GRIA1: variants seen among roughly 807,000 people sequenced by gnomAD.
GRIA1 encodes the protein glutamate receptor 1.
Under a neutral mutation model 99.2 loss-of-function variants are expected in GRIA1, and 31 were observed. The observed-to-expected ratio is 0.31, with a 90% CI of 0.23 to 0.42. The LOEUF (loss-of-function observed/expected upper bound fraction) is 0.42, where lower values mean the gene tolerates loss of function less well. Ranked by LOEUF, GRIA1 falls within the 10% of genes least tolerant of loss-of-function variation. The pLI is 1.00. For synonymous variants in GRIA1, 438 were observed against 432.4 expected, an observed-to-expected ratio of 1.01 and a Z score of -0.16; for missense variants, 782 against 1,157.5, an observed-to-expected ratio of 0.68 and a Z score of 4.71.
intron 2 of GRIA1, among the ~76,000 whole-genome samples, chr5:153,510,185 A>C (rs746812343): frequency 1.3e-5 from 2 of 152,210 alleles, no homozygotes; most frequent in Non-Finnish European, 2.9e-5. Flanking sequence ...CGAGAAGACA[A>C]ACTGCTTTAA....
intron 13 of GRIA1, among the ~76,000 whole-genome samples, chr5:153,774,301 G>A (rs1260879989): frequency 6.6e-6 from 1 of 152,046 alleles, no homozygotes; most frequent in African/African-American, 2.4e-5. Context: ...AAAGACATTT[G>A]TGCTTCCTTT....
chr5:153,604,004 T>C (rs1765234951), intron 2 of GRIA1, among the ~76,000 whole-genome samples: 1 of 152,196 alleles, frequency 6.6e-6, no homozygotes, highest in Non-Finnish European at 1.5e-5. Flanking sequence ...ACATTTATGA[T>C]CTAGTTTATA....
intron 13 of GRIA1, among the ~76,000 whole-genome samples, chr5:153,789,112 C>G (rs1362030966): frequency 2.0e-5 from 3 of 152,110 alleles, no homozygotes; most frequent in Non-Finnish European, 4.4e-5. Flanking sequence ...TAAATCACAC[C>G]TGCTTCAATG....
At chr5:153,714,500 C>T (rs1255509876) in intron 11 of GRIA1, among the ~76,000 whole-genome samples, 2 of 152,208 alleles carry the variant, frequency 1.3e-5, no homozygotes, top group East Asian at 3.9e-4. Context: ...CCCTAAATTC[C>T]TGTATCCAGA....
chr5:153,706,135 T>TGTTTGTTTA, intron 11 of GRIA1, 68 bp downstream of exon 11: 1 of 1,464,422 alleles, frequency 6.8e-7, no homozygotes, highest in Non-Finnish European at 9.5e-7. Context: ...TTTGTTTGTT[T>TGTTTGTTTA]TTTAAATACT....
At chr5:153,621,464 G>T (rs1016855503) in intron 2 of GRIA1, among the ~76,000 whole-genome samples, 1 of 143,794 alleles carries the variant, frequency 7.0e-6, no homozygotes, top group African/African-American at 2.5e-5. Context: ...GTTATTAAAA[G>T]AAATTAAAGT....
chr5:153,675,208 A>G (rs1185291377), intron 6 of GRIA1, among the ~76,000 whole-genome samples: 1 of 152,204 alleles, frequency 6.6e-6, no homozygotes, highest in Non-Finnish European at 1.5e-5. Flanking sequence ...TTCTGGGCAG[A>G]GCCACCATGT....
intron 5 of GRIA1, among the ~76,000 whole-genome samples, chr5:153,673,908 T>G (rs1756380376): frequency 6.6e-6 from 1 of 152,170 alleles, no homozygotes; most frequent in Admixed American, 6.5e-5. Context: ...TACCCTGTTG[T>G]ATGGAAAAGA....
At chr5:153,764,386 C>T (rs1396170948) in intron 11 of GRIA1, 48 bp from the exon 12 acceptor site, 1 of 1,470,144 alleles carries the variant, frequency 6.8e-7, no homozygotes, top group East Asian at 2.3e-5. Flanking sequence ...CCAGAGCTTT[C>T]CACAGTTGAT....
intron 11 of GRIA1, among the ~76,000 whole-genome samples, chr5:153,725,796 C>T (rs1354480111): frequency 7.7e-6 from 1 of 130,706 alleles, no homozygotes; most frequent in East Asian, 2.8e-4. Flanking sequence ...TAATGGGAGA[C>T]TTTAACACCC....
chr5:153,714,260 T>C (rs1224552157), intron 11 of GRIA1, among the ~76,000 whole-genome samples: 3 of 152,108 alleles, frequency 2.0e-5, no homozygotes, highest in Non-Finnish European at 4.4e-5. Flanking sequence ...CGCCACCAGT[T>C]TGAGAGCCCT....
At chr5:153,518,867 G>A (rs1216125374) in intron 2 of GRIA1, among the ~76,000 whole-genome samples, 2 of 152,128 alleles carry the variant, frequency 1.3e-5, no homozygotes, top group Admixed American at 6.5e-5. Flanking sequence ...GCCTGGCATC[G>A]TGCTCCATGT....
intron 2 of GRIA1, among the ~76,000 whole-genome samples, chr5:153,588,776 A>G (rs1763716663): frequency 6.6e-6 from 1 of 152,146 alleles, no homozygotes; most frequent in Non-Finnish European, 1.5e-5. Context: ...ATTCTTATCT[A>G]GTATTTACTA....
intron 11 of GRIA1, among the ~76,000 whole-genome samples, chr5:153,727,600 A>G (rs945870644): frequency 6.6e-6 from 1 of 152,204 alleles, no homozygotes; most frequent in African/African-American, 2.4e-5. Context: ...TAACAGGCAA[A>G]CAGAGAGCCA....
intron 11 of GRIA1, among the ~76,000 whole-genome samples, chr5:153,719,776 G>C (rs886139634): frequency 6.6e-6 from 1 of 152,018 alleles, no homozygotes. Flanking sequence ...AGGGGGTAGG[G>C]GTATTGTGAC....
At chr5:153,678,784 G>T (rs1218631976) in intron 7 of GRIA1, among the ~76,000 whole-genome samples, 1 of 152,186 alleles carries the variant, frequency 6.6e-6, no homozygotes, top group African/African-American at 2.4e-5. Context: ...GCAGTTCAGG[G>T]TGGCAGGAAG....
intron 2 of GRIA1, among the ~76,000 whole-genome samples, chr5:153,499,900 T>G (rs919168541): frequency 2.0e-5 from 3 of 152,210 alleles, no homozygotes; most frequent in Non-Finnish European, 4.4e-5. Context: ...CCTCAACCAC[T>G]GCTGCATATG....
At chr5:153,674,999 A>G (rs1213918658) in intron 6 of GRIA1, among the ~76,000 whole-genome samples, 1 of 152,128 alleles carries the variant, frequency 6.6e-6, no homozygotes, top group Admixed American at 6.5e-5. Flanking sequence ...GCCTAATAGT[A>G]CAAGAGGGCT....
At chr5:153,719,083 A>G (rs73277293) in intron 11 of GRIA1, among the ~76,000 whole-genome samples, 3,073 of 152,268 alleles carry the variant, frequency 0.02, 98 homozygotes, top group African/African-American at 0.068. Flanking sequence ...TGAGGTCAGC[A>G]TTAGGTTCAT....
Sources: allele counts gnomAD v4.1 joint callset (sites outside exome capture counted in the v4.1 genomes callset), GRCh38; gene constraint gnomAD v4.1.1; transcripts MANE v1.5; gene names NCBI Gene and HGNC (gene_info 2026-07-23, HGNC 2026-07-21).